The following RRAGC variants were observed in gnomAD, a reference collection of about 807,000 sequenced individuals.
RRAGC encodes Ras related GTP binding C, also known as ras-related GTP-binding protein C.
RRAGC carries 8 observed loss-of-function variants against 37.1 expected under a neutral mutation model. The ratio of observed to expected loss-of-function variants is 0.22; its 90% CI spans 0.13 to 0.39. The LOEUF is 0.39. Among genes scored for constraint, RRAGC ranks in the 10% least tolerant of loss-of-function variants. RRAGC has a pLI of 1.00. For synonymous variants in RRAGC, 190 were observed against 181.1 expected (o/e 1.05, Z -0.39); for missense variants, 342 against 497.6 (o/e 0.69, Z 2.98).
intron 5 of RRAGC, among the ~76,000 whole-genome samples, chr1:38,848,814 G>C (rs1007134023): frequency 2.6e-5 from 4 of 151,782 alleles, no homozygotes; most frequent in African/African-American, 4.8e-5. Context: ...ATGAGACCCT[G>C]TCTCTACAAA....
At position 38,859,768 on chromosome 1, in the gene RRAGC, AG is replaced by A; in HGVS notation, c.-123del. 2 of 868,316 alleles carry A rather than the reference AG, an allele frequency of 2.3e-6. No individual in the cohort carries two copies. Among genetic ancestry groups the A allele is most frequent in the Non-Finnish European group, 3.0e-6 (2 of 676,000 alleles). 53.8% of individuals were successfully genotyped at this position (868,316 alleles called of 1,614,324 possible). ...CGCCACCGCCCCCGGCAGCCGCCAC[AG>A]TCCGGCCCGCCCCCCGGAGCCCGGC... On this transcript the variant is annotated 5_prime_UTR_variant, in exon 1 of 7. The change creates a new upstream start codon in the 5' untranslated region. Coordinates refer to ENST00000373001, the MANE Select transcript of RRAGC (RefSeq NM_022157.4).
chr1:38,845,396 G>A (rs1013834530), intron 6 of RRAGC, among the ~76,000 whole-genome samples: 2 of 152,180 alleles, frequency 1.3e-5, no homozygotes, highest in Non-Finnish European at 2.9e-5. Flanking sequence ...AATACTGCAT[G>A]TTCTCACTCA....
At chr1:38,856,444 T>G (rs1421647119) in intron 2 of RRAGC, among the ~76,000 whole-genome samples, 1 of 152,220 alleles carries the variant, frequency 6.6e-6, no homozygotes, top group East Asian at 1.9e-4. Context: ...GACTGCCACA[T>G]GCTAGGCCCT....
At chr1:38,855,641 A>G in intron 3 of RRAGC, 67 bp downstream of exon 3, 1 of 1,246,456 alleles carries the variant, frequency 8.0e-7, no homozygotes. Context: ...TGGTGTTTGT[A>G]ATGACAGAGA....
intron 1 of RRAGC, among the ~76,000 whole-genome samples, chr1:38,858,101 T>C (rs1394722006): frequency 6.6e-6 from 1 of 152,144 alleles, no homozygotes; most frequent in African/African-American, 2.4e-5. Flanking sequence ...TAACTGAAAT[T>C]AGTTTACTAA....
intron 6 of RRAGC, among the ~76,000 whole-genome samples, chr1:38,845,620 A>AATAAATAACT (rs1272029597): frequency 6.6e-6 from 1 of 152,252 alleles, no homozygotes; most frequent in Non-Finnish European, 1.5e-5. Context: ...AACTTAAAGT[A>AATAAATAACT]TAAACAATAA....
chr1:38,839,832 C>T, intron 6 of RRAGC, 128 bp from the exon 7 acceptor site: 2 of 850,582 alleles, frequency 2.4e-6, no homozygotes, highest in Admixed American at 2.5e-5. Flanking sequence ...AACTAGATAG[C>T]AACTTCTTCA....
chr1:38,839,846 G>GT (rs1444145379), intron 6 of RRAGC, 142 bp from the exon 7 acceptor site: 2 of 805,220 alleles, frequency 2.5e-6, no homozygotes, highest in Non-Finnish European at 3.9e-6. Flanking sequence ...TTCTTCAATC[G>GT]TAAGAACAGC....
chr1:38,851,784 C>T (rs759994003), intron 4 of RRAGC, 27 bp from the exon 5 acceptor site: 1 of 1,590,432 alleles, frequency 6.3e-7, no homozygotes, highest in African/African-American at 1.4e-5. Context: ...GGAAACTGTT[C>T]AGTATTTTTT....
Position 38,854,733 on chromosome 1 carries a change from C to T in RRAGC, c.641+975G>A, listed in dbSNP as rs140934304. Reference sequence around the variant, plus strand: ...ACTAGAGGTCAATGAGACTTTTCGACATGGTTTCCTAGAAGAATAACTGAA... The same window carrying T: ...ACTAGAGGTCAATGAGACTTTTCGATATGGTTTCCTAGAAGAATAACTGAA... On this transcript the variant is annotated intron_variant, in intron 3 of 6. Transcript: ENST00000373001. Among the ~76,000 whole-genome samples the T allele has an allele frequency of 4.2e-3, 638 of 152,256 alleles. 7 individuals carry two copies. The highest frequency in any genetic ancestry group is 0.014 in the African/African-American group (602 of 41,546).
At position 38,839,666 on chromosome 1, in the gene RRAGC, T is replaced by C. The variant is rs1181126859; in HGVS notation, c.1087A>G (p.Ile363Val). ...ACACCCACCTCAAAAACCTCATGAA[T>C]AGCTTTTCGGAAACAGTGGAAGTTG... is the stretch of plus-strand genomic sequence containing the variant. ...DYNFHCFRKA[I>V]HEVFEVGVTS... is the part of the protein sequence containing the mutation. The change falls in exon 7 of 7, where the codon ATT (isoleucine) becomes GTT (valine). Residue 363 changes from isoleucine to valine, a missense_variant. By Grantham distance (29) the Ile-to-Val change is conservative. Transcript: ENST00000373001. 1.9e-6 allele frequency: 3 copies of C among 1,614,080 alleles called. No individual in the cohort carries two copies. The highest frequency in any genetic ancestry group is 1.7e-5 in the Admixed American group (1 of 60,024).
rs1570866902 is a variant in RRAGC at position 38,851,449 on chromosome 1, G to A, written c.899+166C>T. 3.7e-5 allele frequency: 19 copies of A among 514,860 alleles called. No individual in the cohort carries two copies. In the East Asian group the frequency reaches 6.8e-4, roughly 18 times the overall value. 31.9% of individuals were successfully genotyped at this position (514,860 alleles called of 1,614,324 possible). On this transcript the variant is annotated intron_variant, in intron 5 of 6. Transcript: ENST00000373001. ...TTCTCCGAAGGAGTAAGACCCAGCAGCCAACTTCCAGAGAAATCATGCTCC... is the reference window on the plus strand; with the variant it reads ...TTCTCCGAAGGAGTAAGACCCAGCAACCAACTTCCAGAGAAATCATGCTCC...
intron 5 of RRAGC, among the ~76,000 whole-genome samples, chr1:38,850,209 A>C (rs1229323411): frequency 6.8e-6 from 1 of 147,900 alleles, no homozygotes; most frequent in African/African-American, 2.5e-5. Context: ...CTTTTTCAAA[A>C]AACAAAACAA....
chr1:38,840,088 C>T (rs1033461002), intron 6 of RRAGC, among the ~76,000 whole-genome samples: 1 of 145,058 alleles, frequency 6.9e-6, no homozygotes, highest in African/African-American at 2.6e-5. Flanking sequence ...GCAAAGCTTG[C>T]AGTGAGCCAA....
chr1:38,850,495 C>T (rs981362587), intron 5 of RRAGC, among the ~76,000 whole-genome samples: 3 of 150,516 alleles, frequency 2.0e-5, no homozygotes, highest in Admixed American at 6.7e-5. Flanking sequence ...GCCTGGGCGA[C>T]GGAGCAAGAC....
At position 38,839,242 on chromosome 1, in the gene RRAGC, G is replaced by T; in HGVS notation, c.*311C>A. ...CATTCCCTGGTAAGGATGGGTAACT[G>T]GTGTTATCTCCAGGTCCAAAATATC... On this transcript the variant is annotated 3_prime_UTR_variant, in exon 7 of 7. Coordinates refer to ENST00000373001, the MANE Select transcript of RRAGC (RefSeq NM_022157.4). 1 of 259,296 alleles carries T rather than the reference G, an allele frequency of 3.9e-6. No individual in the cohort carries two copies. Among genetic ancestry groups the T allele is most frequent in the South Asian group, 1.6e-4 (1 of 6,276 alleles). 16.1% of individuals were successfully genotyped at this position (259,296 alleles called of 1,614,324 possible).
At chr1:38,851,964 C>T (rs1196229895) in intron 4 of RRAGC, among the ~76,000 whole-genome samples, 1 of 152,172 alleles carries the variant, frequency 6.6e-6, no homozygotes, top group East Asian at 1.9e-4. Flanking sequence ...TTTACTGACA[C>T]AATTTCCTAA....
In RRAGC at chr1:38,849,297, C is replaced by A. The variant is rs375559282; in HGVS notation, c.899+2318G>T. 2.6e-5 allele frequency among the ~76,000 whole-genome samples: 4 copies of A among 152,256 alleles called. 1 individual carries two copies. Among genetic ancestry groups the A allele is most frequent in the African/African-American group, 9.6e-5 (4 of 41,550 alleles). ...CTCCTGGGATCAAGTAATTCTCCTG[C>A]CTCATCCTTCTGCTTAATCCCCCAA... On this transcript the variant is annotated intron_variant, in intron 5 of 6. Transcript: ENST00000373001.
intron 5 of RRAGC, chr1:38,847,172 G>C (rs1642037435): frequency 6.6e-6 from 1 of 152,202 alleles, no homozygotes; most frequent in Admixed American, 6.5e-5. Context: ...TTCTTTGGCA[G>C]TAAAACAATG....
Sources: allele counts gnomAD v4.1 joint callset (sites outside exome capture counted in the v4.1 genomes callset), GRCh38; gene constraint gnomAD v4.1.1; transcripts MANE v1.5; gene names NCBI Gene and HGNC (gene_info 2026-07-23, HGNC 2026-07-21).